The following NPTN variants were observed in gnomAD, a reference collection of about 807,000 sequenced individuals.
The protein encoded by NPTN is SDR-1.
Under a neutral mutation model 42.7 loss-of-function variants are expected in NPTN, and 5 were observed. The ratio of observed to expected loss-of-function variants is 0.12; its 90% CI spans 0.06 to 0.25. NPTN has a LOEUF of 0.25. Ranked by LOEUF, NPTN falls within the 10% of genes least tolerant of loss-of-function variation. The pLI, the probability that NPTN is intolerant of heterozygous loss-of-function variation, is 1.00. For missense variants in NPTN, 307 were observed against 525.4 expected (o/e 0.58, Z 4.06); for synonymous variants, 180 against 201.9 (o/e 0.89, Z 0.92).
chr15:73,583,474 A>G (rs1451825393), intron 4 of NPTN, among the ~76,000 whole-genome samples: 1 of 152,200 alleles, frequency 6.6e-6, no homozygotes, highest in East Asian at 1.9e-4. Context: ...TGTGGAGACT[A>G]AAGGAGAGAA....
chr15:73,566,900 C>T (rs1362358540), intron 6 of NPTN: 1 of 440,762 alleles, frequency 2.3e-6, no homozygotes, highest in Non-Finnish European at 3.0e-6. Flanking sequence ...GGGCACTGAT[C>T]CTCAAAGAGA....
Position 73,569,772 on chromosome 15 carries a change from C to T in NPTN, c.1114+378G>A. On this transcript the variant is annotated intron_variant, in intron 6 of 8. Transcript: ENST00000345330. The surrounding 1 kb of genome is among the most constrained non-coding windows in gnomAD (Gnocchi z 4.1). Reference sequence around the variant, plus strand: ...ATCTTGGGGTGGCTTCTAGGCTTGACTTGGATTCTCCTCAAGCTCAATCTG... The same window carrying T: ...ATCTTGGGGTGGCTTCTAGGCTTGATTTGGATTCTCCTCAAGCTCAATCTG... 1 of 985,336 alleles carries T rather than the reference C, an allele frequency of 1.0e-6. No individual in the cohort carries two copies. Among genetic ancestry groups the T allele is most frequent in the Non-Finnish European group, 1.2e-6 (1 of 829,916 alleles). The allele number at this position is 985,336 out of a possible 1,614,324, so 61.0% of individuals were successfully genotyped here.
At chr15:73,598,624 A>G (rs1395435309) in intron 1 of NPTN, among the ~76,000 whole-genome samples, 1 of 152,172 alleles carries the variant, frequency 6.6e-6, no homozygotes, top group East Asian at 1.9e-4. Flanking sequence ...CGAAGGTATA[A>G]AGAGAGACAC....
In NPTN at chr15:73,624,665, G is replaced by A. The variant is rs1566992272; in HGVS notation, c.91+8460C>T. Among the ~76,000 whole-genome samples, 3 of 152,112 alleles carry A rather than the reference G, an allele frequency of 2.0e-5. No homozygotes were observed. In the East Asian group the frequency reaches 5.8e-4, roughly 29 times the overall value. ...AACATGAACGGCAGATGATTCTTTA[G>A]TGATGGTTCTGCTTACCCTCTCTCT... On this transcript the variant is annotated intron_variant, in intron 1 of 8. Transcript: ENST00000345330.
chr15:73,583,266 G>C (rs1002772390), intron 4 of NPTN, among the ~76,000 whole-genome samples: 5 of 152,190 alleles, frequency 3.3e-5, no homozygotes, highest in African/African-American at 1.2e-4. Context: ...CTAACTCTTA[G>C]TCAAGGCCTT....
intron 1 of NPTN, among the ~76,000 whole-genome samples, chr15:73,618,268 G>A (rs919678605): frequency 1.3e-5 from 2 of 151,900 alleles, no homozygotes; most frequent in African/African-American, 4.8e-5. Context: ...GATTAAAAGA[G>A]TTAAAAAAAA....
At chr15:73,588,524 CCT>C (rs952143212) in intron 3 of NPTN, among the ~76,000 whole-genome samples, 24 of 152,150 alleles carry the variant, frequency 1.6e-4, no homozygotes, top group African/African-American at 5.3e-4. Context: ...TGATCTGGCC[CCT>C]GTCTATATCC....
chr15:73,573,903 GCTTA>G, intron 4 of NPTN, 108 bp from the exon 5 acceptor site: 1 of 1,371,874 alleles, frequency 7.3e-7, no homozygotes, highest in Non-Finnish European at 9.9e-7. Flanking sequence ...CAGTCTTTAT[GCTTA>G]CTGTCATACT....
intron 1 of NPTN, among the ~76,000 whole-genome samples, chr15:73,610,200 C>T (rs1897508506): frequency 2.0e-5 from 3 of 152,112 alleles, no homozygotes; most frequent in South Asian, 2.1e-4. Flanking sequence ...AATCCTCCCA[C>T]CTCAGCCTCT....
At chr15:73,575,653 A>T (rs910828974) in intron 4 of NPTN, among the ~76,000 whole-genome samples, 7 of 152,240 alleles carry the variant, frequency 4.6e-5, no homozygotes, top group Non-Finnish European at 1.0e-4. Flanking sequence ...TTGAGACTGT[A>T]GAAGCCTGTA....
Position 73,569,893 on chromosome 15 carries a change from T to C in NPTN, c.1114+257A>G. On this transcript the variant is annotated intron_variant, in intron 6 of 8. Transcript: ENST00000345330. This position sits in a 1 kb window ranked among gnomAD's most constrained non-coding sequence, Gnocchi z 4.1. The stretch of plus-strand genomic sequence containing the variant: ...GCCTGAAAGGCAGATGGGACTAGGG[T>C]TTGGAAAACACCCAAACAGAGGGAG... 1.2e-6 allele frequency: 1 copy of C among 812,178 alleles called. No individual in the cohort carries two copies. Among genetic ancestry groups the C allele is most frequent in the Non-Finnish European group, 1.5e-6 (1 of 673,064 alleles). The allele number at this position is 812,178 out of a possible 1,614,324, so 50.3% of individuals were successfully genotyped here. A position where few individuals can be genotyped will look rare whatever the true frequency, so the allele number is the denominator to read the frequency against.
chr15:73,593,980 A>G (rs544917371), intron 2 of NPTN, among the ~76,000 whole-genome samples: 31 of 152,310 alleles, frequency 2.0e-4, no homozygotes, highest in African/African-American at 7.2e-4. Flanking sequence ...CAAACCCTGC[A>G]ATGGAAGGCG....
chr15:73,608,462 T>C (rs72741484), intron 1 of NPTN, among the ~76,000 whole-genome samples: 4,423 of 152,300 alleles, frequency 0.029, 107 homozygotes, highest in Non-Finnish European at 0.041. Context: ...GAGCACAGTA[T>C]TACAATTAGT....
chr15:73,612,416 T>A, intron 1 of NPTN, among the ~76,000 whole-genome samples: 1 of 102,404 alleles, frequency 9.8e-6, no homozygotes. Flanking sequence ...CGAGATCCTG[T>A]CTCCAAAAAA....
chr15:73,615,551 C>T (rs1897823962), intron 1 of NPTN, among the ~76,000 whole-genome samples: 1 of 152,120 alleles, frequency 6.6e-6, no homozygotes, highest in Admixed American at 6.5e-5. Flanking sequence ...AAACAATATC[C>T]TATATACATT....
chr15:73,613,323 C>T (rs1446739458), intron 1 of NPTN, among the ~76,000 whole-genome samples: 1 of 152,068 alleles, frequency 6.6e-6, no homozygotes, highest in Non-Finnish European at 1.5e-5. Flanking sequence ...ATAAATCTTC[C>T]ACCTTATTCT....
intron 4 of NPTN, among the ~76,000 whole-genome samples, chr15:73,574,003 G>GC (rs1034281886): frequency 3.8e-4 from 58 of 152,304 alleles, no homozygotes; most frequent in African/African-American, 1.3e-3. Context: ...AGATGCCCAG[G>GC]CAGATACCAG....
At chr15:73,579,485 T>C (rs1054564696) in intron 4 of NPTN, among the ~76,000 whole-genome samples, 3 of 151,996 alleles carry the variant, frequency 2.0e-5, no homozygotes, top group Admixed American at 6.6e-5. Flanking sequence ...TTCAGTACTA[T>C]CAGCTTTTGC....
intron 2 of NPTN, among the ~76,000 whole-genome samples, chr15:73,593,561 T>C (rs1896695645): frequency 6.6e-6 from 1 of 152,126 alleles, no homozygotes; most frequent in Non-Finnish European, 1.5e-5. Flanking sequence ...TCTCCCTCCA[T>C]GGGAACTAAG....
Sources: gnomAD v4.1 joint callset for allele counts (sites outside exome capture counted in the v4.1 genomes callset) on GRCh38, gnomAD v4.1.1 for gene constraint, Gnocchi (gnomAD v3.1) non-coding constraint, MANE v1.5 for transcripts, NCBI Gene and HGNC (gene_info 2026-07-23, HGNC 2026-07-21) for gene names.